The following AGFG1 variants were observed in gnomAD, a reference collection of about 807,000 sequenced individuals.
AGFG1 encodes ArfGAP with FG repeats 1.
In AGFG1, 10 loss-of-function variants were observed where a neutral mutation model predicts 60.6. The observed-to-expected ratio is 0.16, with a 90% confidence interval of 0.10 to 0.28. The LOEUF is 0.28. Among genes scored for constraint, AGFG1 ranks in the 10% least tolerant of loss-of-function variants. The pLI, the probability that AGFG1 is intolerant of heterozygous loss-of-function variation, is 1.00. For synonymous variants in AGFG1, 247 were observed against 242.9 expected, an observed-to-expected ratio of 1.02 and a Z score of -0.16; for missense variants, 537 against 676.5, an observed-to-expected ratio of 0.79 and a Z score of 2.29.
intron 10 of AGFG1, among the ~76,000 whole-genome samples, chr2:227,537,426 A>G (rs1444988128): frequency 6.6e-6 from 1 of 152,228 alleles, no homozygotes; most frequent in South Asian, 2.1e-4. Flanking sequence ...AGATGACTTT[A>G]CTACATGAAT....
At chr2:227,508,071 C>G (rs1041795782) in intron 2 of AGFG1, among the ~76,000 whole-genome samples, 1 of 151,910 alleles carries the variant, frequency 6.6e-6, no homozygotes, top group African/African-American at 2.4e-5. Context: ...ACTGTTTCTT[C>G]CCCACCTCTT....
At chr2:227,548,734 G>A (rs1312650829) in intron 10 of AGFG1, among the ~76,000 whole-genome samples, 1 of 152,088 alleles carries the variant, frequency 6.6e-6, no homozygotes, top group African/African-American at 2.4e-5. Context: ...TCAGGAGATC[G>A]AGACCATCCT....
chr2:227,536,737 CA>C, intron 9 of AGFG1, 33 bp downstream of exon 9: 8 of 1,602,418 alleles, frequency 5.0e-6, no homozygotes, highest in Non-Finnish European at 6.0e-6. Context: ...CTGGTTTTTA[CA>C]AAGAACCCAA....
chr2:227,490,413 C>T (rs1488608759), intron 1 of AGFG1, among the ~76,000 whole-genome samples: 1 of 151,912 alleles, frequency 6.6e-6, no homozygotes, highest in Non-Finnish European at 1.5e-5. Flanking sequence ...CCTGTCTCTA[C>T]TAAAAATACA....
intron 2 of AGFG1, among the ~76,000 whole-genome samples, chr2:227,511,167 A>C (rs557068968): frequency 4.9e-4 from 74 of 152,238 alleles, no homozygotes; most frequent in African/African-American, 1.5e-3. Flanking sequence ...CCATCTCTCT[A>C]TGTTATTCCC....
chr2:227,488,771 G>A (rs1001898815), intron 1 of AGFG1, among the ~76,000 whole-genome samples: 14 of 152,196 alleles, frequency 9.2e-5, no homozygotes, highest in African/African-American at 3.4e-4. Flanking sequence ...TGCCCTAAGT[G>A]AGTAATAATG....
At chr2:227,486,685 G>A (rs1161638003) in intron 1 of AGFG1, among the ~76,000 whole-genome samples, 1 of 152,168 alleles carries the variant, frequency 6.6e-6, no homozygotes, top group African/African-American at 2.4e-5. Context: ...TGAAAAGAAA[G>A]TTATGCAAGA....
At chr2:227,480,858 AG>A (rs1333711877) in intron 1 of AGFG1, among the ~76,000 whole-genome samples, 8 of 152,252 alleles carry the variant, frequency 5.3e-5, no homozygotes, top group Admixed American at 5.2e-4. Flanking sequence ...TTTAAAAATT[AG>A]TTTGCCTACA....
At chr2:227,481,339 G>A (rs1316184168) in intron 1 of AGFG1, among the ~76,000 whole-genome samples, 1 of 152,026 alleles carries the variant, frequency 6.6e-6, no homozygotes, top group African/African-American at 2.4e-5. Context: ...AGTCTCTGTG[G>A]TATAACCTCT....
chr2:227,490,660 A>G (rs950000591), intron 1 of AGFG1, among the ~76,000 whole-genome samples: 2 of 152,010 alleles, frequency 1.3e-5, no homozygotes, highest in South Asian at 2.1e-4. Context: ...CATGACCCCA[A>G]AGTAGTTCTG....
intron 5 of AGFG1, among the ~76,000 whole-genome samples, chr2:227,526,576 T>A (rs1692001883): frequency 8.2e-6 from 1 of 121,862 alleles, no homozygotes; most frequent in African/African-American, 3.2e-5. Flanking sequence ...GGAGTCTCAC[T>A]CCCTTGTTCA....
chr2:227,520,994 A>G (rs544454286), intron 3 of AGFG1, among the ~76,000 whole-genome samples: 2 of 152,348 alleles, frequency 1.3e-5, no homozygotes, highest in African/African-American at 4.8e-5. Flanking sequence ...ACCTTCATTC[A>G]GGAGCACATT....
intron 10 of AGFG1, among the ~76,000 whole-genome samples, chr2:227,544,783 G>GCCACCA (rs1436116441): frequency 6.6e-6 from 1 of 152,092 alleles, no homozygotes; most frequent in Non-Finnish European, 1.5e-5. Context: ...TTGAATATTG[G>GCCACCA]CCACCACTCT....
intron 2 of AGFG1, among the ~76,000 whole-genome samples, chr2:227,519,452 A>G (rs113390368): frequency 0.023 from 3,533 of 152,084 alleles, 63 homozygotes; most frequent in Non-Finnish European, 0.033. Flanking sequence ...TTTTTTAGCT[A>G]TTGGACCAAA....
chr2:227,480,043 A>G (rs971488550), intron 1 of AGFG1, among the ~76,000 whole-genome samples: 2 of 152,220 alleles, frequency 1.3e-5, no homozygotes, highest in Non-Finnish European at 1.5e-5. Context: ...CCTTACTTTT[A>G]TTCTGGTTGC....
intron 1 of AGFG1, among the ~76,000 whole-genome samples, chr2:227,474,535 C>T (rs4675200): frequency 0.6 from 91,030 of 152,078 alleles, 27,303 homozygotes; most frequent in South Asian, 0.7. Flanking sequence ...GATAGGACTT[C>T]ATTTCTCTAT....
At chr2:227,545,880 G>A (rs976682672) in intron 10 of AGFG1, among the ~76,000 whole-genome samples, 2 of 152,156 alleles carry the variant, frequency 1.3e-5, no homozygotes, top group East Asian at 3.9e-4. Context: ...GCACCTGGCT[G>A]TATGAGGTGT....
chr2:227,480,395 T>C (rs999004166), intron 1 of AGFG1, among the ~76,000 whole-genome samples: 12 of 137,140 alleles, frequency 8.8e-5, no homozygotes, highest in Non-Finnish European at 1.6e-4. Context: ...TCCATATTTC[T>C]TATTTTATTT....
rs1692912497 is a variant in AGFG1 at position 227,554,479 on chromosome 2, C to T, written c.1673C>T (p.Thr558Ile). ...CAATTTCCAACAGGAAGCTCATCAA[C>T]CAATCCTTTCTTATAGCCTTATATA... ...TGQFPTGSSS[T>I]NPFL is the part of the protein sequence containing the mutation. Residue 558 changes from threonine to isoleucine, a missense_variant, in exon 13 of 13, where the codon ACC (threonine) becomes ATC (isoleucine). Transcript: ENST00000310078. 4 of 1,613,622 alleles carry T rather than the reference C, an allele frequency of 2.5e-6. No individual in the cohort carries two copies. Among genetic ancestry groups the T allele is most frequent in the Non-Finnish European group, 3.4e-6 (4 of 1,179,728 alleles).
Sources: gnomAD v4.1 joint callset for allele counts (sites outside exome capture counted in the v4.1 genomes callset) on GRCh38, gnomAD v4.1.1 for gene constraint, MANE v1.5 for transcripts, NCBI Gene and HGNC (gene_info 2026-07-23, HGNC 2026-07-21) for gene names.